The following SUGCT variants were observed in gnomAD, a reference collection of about 807,000 sequenced individuals.
SUGCT encodes the protein succinyl-CoA:glutarate CoA-transferase.
A neutral mutation model predicts 55.0 loss-of-function variants in SUGCT; 41 were observed. The observed-to-expected ratio is 0.74, with a 90% CI of 0.58 to 0.97. The LOEUF is 0.97. Among genes scored for constraint, SUGCT ranks in the 50% least tolerant of loss-of-function variants. The pLI is 0.00. For missense variants in SUGCT, 568 were observed against 547.8 expected, an observed-to-expected ratio of 1.04 and a Z score of -0.37; for synonymous variants, 187 against 200.4, an observed-to-expected ratio of 0.93 and a Z score of 0.56.
the SUGCT span, among the ~76,000 whole-genome samples, chr7:41,025,350 T>C: frequency 1.3e-5 from 2 of 152,122 alleles, no homozygotes; most frequent in Non-Finnish European, 2.9e-5. Context: ...TTATTTTCCA[T>C]GTTTGAAAGA....
At chr7:40,898,480 C>CCG in the SUGCT span, among the ~76,000 whole-genome samples, 6 of 5,722 alleles carry the variant, frequency 1.0e-3, no homozygotes, top group African/African-American at 2.4e-3. Context: ...TCCGGGAGGT[C>CCG]GGGGGGGGGG....
At chr7:40,317,768 T>C (rs1219134410) in intron 9 of SUGCT, among the ~76,000 whole-genome samples, 1 of 152,206 alleles carries the variant, frequency 6.6e-6, no homozygotes, top group Non-Finnish European at 1.5e-5. Context: ...TGGGCAAAAC[T>C]AGTTTCTTTT....
At chr7:40,792,059 T>C (rs1348245515) in intron 13 of SUGCT, among the ~76,000 whole-genome samples, 3 of 152,170 alleles carry the variant, frequency 2.0e-5, no homozygotes, top group Non-Finnish European at 4.4e-5. Context: ...TGAGTAAATA[T>C]GAAGCATTGC....
intron 9 of SUGCT, among the ~76,000 whole-genome samples, chr7:40,368,176 C>G (rs1192142004): frequency 6.6e-6 from 1 of 152,054 alleles, no homozygotes; most frequent in Non-Finnish European, 1.5e-5. Context: ...ACATTTTAGT[C>G]TATACTTTTT....
chr7:40,250,180 T>A (rs1437587987), intron 7 of SUGCT, among the ~76,000 whole-genome samples: 1 of 152,044 alleles, frequency 6.6e-6, no homozygotes, highest in East Asian at 1.9e-4. Context: ...GGAGGATTGC[T>A]TCAGCTCAGG....
At chr7:40,656,953 T>C (rs1162129098) in intron 12 of SUGCT, among the ~76,000 whole-genome samples, 1 of 152,224 alleles carries the variant, frequency 6.6e-6, no homozygotes, top group Non-Finnish European at 1.5e-5. Context: ...GCTCTTGTCA[T>C]AGCAGAAGTA....
intron 12 of SUGCT, among the ~76,000 whole-genome samples, chr7:40,673,656 C>A (rs1249868603): frequency 2.0e-5 from 3 of 152,134 alleles, no homozygotes; most frequent in Non-Finnish European, 2.9e-5. Flanking sequence ...GACTGAAGTA[C>A]AACATACAAA....
intron 12 of SUGCT, among the ~76,000 whole-genome samples, chr7:40,736,614 G>A (rs1238401841): frequency 6.6e-6 from 1 of 151,948 alleles, no homozygotes; most frequent in Middle Eastern, 3.4e-3. Flanking sequence ...TACCTACAAA[G>A]CAAAGACAAT....
chr7:40,690,472 T>C (rs1201248356), intron 12 of SUGCT, among the ~76,000 whole-genome samples: 2 of 152,204 alleles, frequency 1.3e-5, no homozygotes, highest in Non-Finnish European at 2.9e-5. Context: ...AGGTATATTA[T>C]GCTTAATATG....
chr7:40,537,166 GTAC>G (rs1034129809), intron 12 of SUGCT, among the ~76,000 whole-genome samples: 5 of 152,208 alleles, frequency 3.3e-5, no homozygotes, highest in Middle Eastern at 3.4e-3. Flanking sequence ...AGCATCCTCT[GTAC>G]TCCAGCAGTT....
At chr7:40,707,098 A>G (rs1785456531) in intron 12 of SUGCT, among the ~76,000 whole-genome samples, 1 of 152,334 alleles carries the variant, frequency 6.6e-6, no homozygotes, top group South Asian at 2.1e-4. Context: ...CCAAGGTAGA[A>G]CTGTTTGGAC....
the SUGCT span, among the ~76,000 whole-genome samples, chr7:40,886,025 T>C: frequency 6.6e-6 from 1 of 152,148 alleles, no homozygotes; most frequent in South Asian, 2.1e-4. Flanking sequence ...CTATTAACAG[T>C]GTGTGGCCTG....
intron 12 of SUGCT, among the ~76,000 whole-genome samples, chr7:40,583,500 A>T (rs1262990460): frequency 6.6e-6 from 1 of 152,112 alleles, no homozygotes; most frequent in East Asian, 1.9e-4. Context: ...GTATGATGAT[A>T]TTTAGTGTCA....
At chr7:40,885,690 ATG>A in the SUGCT span, among the ~76,000 whole-genome samples, 1 of 152,234 alleles carries the variant, frequency 6.6e-6, no homozygotes, top group Non-Finnish European at 1.5e-5. Context: ...TGTCCTTTTG[ATG>A]ACCCCTGACG....
At chr7:40,267,507 C>T (rs1182157627) in intron 7 of SUGCT, among the ~76,000 whole-genome samples, 1 of 152,048 alleles carries the variant, frequency 6.6e-6, no homozygotes, top group Non-Finnish European at 1.5e-5. Flanking sequence ...CCATTTTTTT[C>T]AATGTATTTT....
At chr7:40,373,998 G>T (rs537234113) in intron 9 of SUGCT, among the ~76,000 whole-genome samples, 113 of 152,130 alleles carry the variant, frequency 7.4e-4, no homozygotes, top group African/African-American at 2.6e-3. Context: ...GTTAATTTTT[G>T]TTGTTGTTGT....
chr7:40,925,830 A>T, the SUGCT span, among the ~76,000 whole-genome samples: 1 of 152,196 alleles, frequency 6.6e-6, no homozygotes, highest in Admixed American at 6.5e-5. Context: ...ATGATGGCTC[A>T]TGCCTGCAAT....
At chr7:40,529,376 G>T (rs1793968271) in intron 12 of SUGCT, among the ~76,000 whole-genome samples, 1 of 152,188 alleles carries the variant, frequency 6.6e-6, no homozygotes, top group Non-Finnish European at 1.5e-5. Flanking sequence ...CCTCTCCAGT[G>T]TTCACATTCT....
At chr7:40,304,679 A>G (rs1794747975) in intron 8 of SUGCT, among the ~76,000 whole-genome samples, 1 of 150,174 alleles carries the variant, frequency 6.7e-6, no homozygotes, top group African/African-American at 2.4e-5. Context: ...GAGTGAGAAC[A>G]TTGGATATTT....
Sources: gnomAD v4.1 joint callset for allele counts (sites outside exome capture counted in the v4.1 genomes callset) on GRCh38, gnomAD v4.1.1 for gene constraint, MANE v1.5 for transcripts, NCBI Gene and HGNC (gene_info 2026-07-23, HGNC 2026-07-21) for gene names.